FOXP1: variants seen among roughly 807,000 people sequenced by gnomAD.
FOXP1 encodes the protein forkhead box P1.
FOXP1 carries 15 observed loss-of-function variants against 98.2 expected under a neutral mutation model. The ratio of observed to expected loss-of-function variants is 0.15; its 90% CI spans 0.10 to 0.24. The LOEUF is 0.24. FOXP1 is among the 10% of genes least tolerant of loss of function. FOXP1 has a pLI of 1.00. For missense variants in FOXP1, 633 were observed against 848.5 expected (o/e 0.75, Z 3.15); for synonymous variants, 371 against 314.5 (o/e 1.18, Z -1.90).
chr3:70,996,391 A>G (rs966024460), intron 13 of FOXP1, among the ~76,000 whole-genome samples: 5 of 152,204 alleles, frequency 3.3e-5, no homozygotes, highest in African/African-American at 1.2e-4. Flanking sequence ...ATTTCTGCCC[A>G]GCTTCCTGAA....
In FOXP1 at chr3:71,389,254, C is replaced by T. The variant is rs1185657072; in HGVS notation, c.-167-30010G>A. On this transcript the variant is annotated intron_variant, in intron 3 of 20. Coordinates refer to ENST00000649528, the MANE Select transcript of FOXP1 (RefSeq NM_001349338.3). ...TGTAAGCGGCGGGGGGGGGGGGGGC[C>T]GGGGGGGGCGGGTTATAAATTTCAC... is the stretch of plus-strand genomic sequence containing the variant. 6.6e-4 allele frequency among the ~76,000 whole-genome samples: 4 copies of T among 6,066 alleles called. 1 individual carries two copies. Among genetic ancestry groups the T allele is most frequent in the East Asian group, 0.01 (1 of 98 alleles). The allele number at this position is 6,066 out of a possible 152,430, so 4.0% of individuals were successfully genotyped here. A position where few individuals can be genotyped will look rare whatever the true frequency, so the allele number is the denominator to read the frequency against.
upstream of FOXP1, chr3:71,583,959 C>T: frequency 1.0e-6 from 1 of 980,850 alleles, no homozygotes; most frequent in Non-Finnish European, 1.2e-6. Context: ...TCCCTCTTTG[C>T]CGTTCGCCGG....
At chr3:71,064,919 G>T in intron 7 of FOXP1, 2 of 490,162 alleles carry the variant, frequency 4.1e-6, no homozygotes, top group East Asian at 1.6e-4. Context: ...CGTGCAGGCG[G>T]ACTGCACGCG....
At chr3:71,232,877 C>CAAAAAAAAA (rs59404230) in intron 5 of FOXP1, among the ~76,000 whole-genome samples, 883 of 31,334 alleles carry the variant, frequency 0.028, 153 homozygotes, top group Admixed American at 0.068. Flanking sequence ...AACTCTGTCT[C>CAAAAAAAAA]AAAAAAAAAA....
chr3:71,549,438 A>G (rs1440881759), intron 2 of FOXP1, among the ~76,000 whole-genome samples: 1 of 152,202 alleles, frequency 6.6e-6, no homozygotes, highest in Admixed American at 6.5e-5. Context: ...ACAGTGGCAC[A>G]ATCTCGGCTC....
At chr3:71,582,820 G>A in intron 1 of FOXP1, 2 of 984,388 alleles carry the variant, frequency 2.0e-6, no homozygotes, top group Non-Finnish European at 2.4e-6. Context: ...GGCTCCGAGG[G>A]GGTGGCGGGA....
chr3:71,049,233 G>A (rs544321257), intron 9 of FOXP1, among the ~76,000 whole-genome samples: 4 of 152,018 alleles, frequency 2.6e-5, no homozygotes, highest in South Asian at 2.1e-4. Flanking sequence ...TCCTTTCTTC[G>A]GCTACTCCCT....
intron 5 of FOXP1, among the ~76,000 whole-genome samples, chr3:71,257,520 G>A (rs1450952743): frequency 6.6e-6 from 1 of 151,462 alleles, no homozygotes; most frequent in Non-Finnish European, 1.5e-5. Flanking sequence ...AGGAGGCGGA[G>A]GTTGCAGTGA....
At chr3:71,141,028 G>A (rs1344073039) in intron 6 of FOXP1, among the ~76,000 whole-genome samples, 1 of 151,976 alleles carries the variant, frequency 6.6e-6, no homozygotes, top group African/African-American at 2.4e-5. Context: ...CAGCACTCTG[G>A]GAGGCCAAGG....
chr3:71,526,793 C>A (rs2043417612), intron 2 of FOXP1, among the ~76,000 whole-genome samples: 1 of 152,042 alleles, frequency 6.6e-6, no homozygotes, highest in Non-Finnish European at 1.5e-5. Flanking sequence ...CATGGAGAAA[C>A]CCCATCTCTA....
intron 6 of FOXP1, among the ~76,000 whole-genome samples, chr3:71,166,757 T>C (rs1183967803): frequency 6.6e-6 from 1 of 152,120 alleles, no homozygotes; most frequent in African/African-American, 2.4e-5. Context: ...ACACAGAAAA[T>C]ACTTTTTTAA....
chr3:71,171,753 C>T (rs1198513248), intron 6 of FOXP1, among the ~76,000 whole-genome samples: 1 of 152,184 alleles, frequency 6.6e-6, no homozygotes, highest in Admixed American at 6.5e-5. Flanking sequence ...TATGTAACAA[C>T]GTGAAAAGTT....
At chr3:71,463,458 G>A (rs1403179967) in intron 3 of FOXP1, among the ~76,000 whole-genome samples, 4 of 151,602 alleles carry the variant, frequency 2.6e-5, no homozygotes, top group African/African-American at 9.7e-5. Context: ...ATGGGTTCAG[G>A]AAAATTCAGG....
chr3:71,096,881 T>G (rs1297523259), intron 7 of FOXP1, among the ~76,000 whole-genome samples: 1 of 152,064 alleles, frequency 6.6e-6, no homozygotes, highest in African/African-American at 2.4e-5. Flanking sequence ...ACCCAAAAAA[T>G]TACTAGTTTC....
intron 6 of FOXP1, among the ~76,000 whole-genome samples, chr3:71,159,173 C>A (rs1382072909): frequency 3.4e-5 from 5 of 145,682 alleles, no homozygotes; most frequent in African/African-American, 1.3e-4. Context: ...GCATGAAAAT[C>A]AGCAGAAACT....
chr3:71,114,313 C>G (rs831446), intron 6 of FOXP1, among the ~76,000 whole-genome samples: 1 of 152,194 alleles, frequency 6.6e-6, no homozygotes, highest in Non-Finnish European at 1.5e-5. Flanking sequence ...GTCCCTGTGC[C>G]TGGAACTCAG....
intron 7 of FOXP1, among the ~76,000 whole-genome samples, chr3:71,076,087 ACATGAGAC>A (rs1273884621): frequency 3.3e-5 from 5 of 152,124 alleles, no homozygotes; most frequent in Non-Finnish European, 7.4e-5. Flanking sequence ...AGGTTGACCA[ACATGAGAC>A]CTAATTTATG....
upstream of FOXP1, chr3:71,583,867 G>C: frequency 2.0e-6 from 2 of 984,210 alleles, no homozygotes; most frequent in South Asian, 4.6e-5. Flanking sequence ...ACCCCGGCCC[G>C]ACCCTCTACC....
At chr3:71,304,876 GAGTTACTCAAAC>G (rs2074145912) in intron 4 of FOXP1, 1 of 152,160 alleles carries the variant, frequency 6.6e-6, no homozygotes. Flanking sequence ...CTGTTGAAAA[GAGTTACTCAAAC>G]AGAGGCAACA....
Sources: allele counts gnomAD v4.1 joint callset (sites outside exome capture counted in the v4.1 genomes callset), GRCh38; gene constraint gnomAD v4.1.1; transcripts MANE v1.5; gene names NCBI Gene and HGNC (gene_info 2026-07-23, HGNC 2026-07-21).